The following CSMD3 variants were observed in gnomAD, a reference collection of about 807,000 sequenced individuals.
CSMD3 encodes CUB and sushi domain-containing protein 3.
Under a neutral mutation model 435.2 loss-of-function variants are expected in CSMD3, and 177 were observed. That is an observed-to-expected ratio of 0.41 (90% CI 0.36 to 0.46). The LOEUF (loss-of-function observed/expected upper bound fraction) is 0.46, where lower values mean the gene tolerates loss of function less well. CSMD3 is among the 20% of genes least tolerant of loss of function. The probability of loss-of-function intolerance (pLI) is 0.34; values close to 1 mark genes in which losing one functional copy is unlikely to be tolerated. For synonymous variants in CSMD3, 1,656 were observed against 1,520.5 expected (o/e 1.09, Z -2.07); for missense variants, 4,265 against 4,504.6 (o/e 0.95, Z 1.52).
At chr8:112,508,471 G>T (rs541765503) in intron 28 of CSMD3, among the ~76,000 whole-genome samples, 1 of 151,990 alleles carries the variant, frequency 6.6e-6, no homozygotes, top group East Asian at 1.9e-4. Flanking sequence ...CTTTGATTAC[G>T]TTTCCCTCCT....
intron 10 of CSMD3, among the ~76,000 whole-genome samples, chr8:112,915,991 CAATCCCTTATCAACTTACAAAT>C (rs757773629): frequency 8.6e-5 from 13 of 151,740 alleles, no homozygotes; most frequent in Non-Finnish European, 1.6e-4. Flanking sequence ...GGAGACCATA[CAATCCCTTATCAACTTACAAAT>C]AATCCCTCAT....
In CSMD3 at chr8:112,254,253, T is replaced by C. The variant is rs200612009; in HGVS notation, c.10110A>G (p.Gln3370=). The part of the protein sequence containing the change: ...HGSQNNTFGF[Q]VGSVVQFHCK... ...AAATGGACATAGCTAAAGTACCCAC[T>C]TGAAATCCGAATGTATTGTTCTGAG... Residue 3370 remains glutamine (Q), a splice_region_variant and synonymous_variant, in exon 63 of 71, where the codon CAA becomes CAG. Coordinates refer to ENST00000297405, the MANE Select transcript of CSMD3 (RefSeq NM_198123.2). The C allele has an allele frequency of 1.9e-6, 3 of 1,610,678 alleles. No individual in the cohort carries two copies. The African/African-American group carries it at 4.0e-5, about 22-fold the overall frequency.
chr8:113,308,922 C>A (rs116909484), intron 2 of CSMD3, among the ~76,000 whole-genome samples: 1 of 151,918 alleles, frequency 6.6e-6, no homozygotes. Context: ...AATTTCTTTA[C>A]GGCAGATGTT....
At chr8:112,805,795 A>T (rs754016755) in intron 12 of CSMD3, among the ~76,000 whole-genome samples, 16 of 152,134 alleles carry the variant, frequency 1.1e-4, no homozygotes, top group Non-Finnish European at 2.1e-4. Flanking sequence ...ATTTATGAAA[A>T]AGTATTCAAG....
intron 1 of CSMD3, among the ~76,000 whole-genome samples, chr8:113,378,614 T>A (rs1242420937): frequency 2.0e-5 from 3 of 152,174 alleles, no homozygotes; most frequent in African/African-American, 7.2e-5. Flanking sequence ...AAAAAGAGCC[T>A]TGTTTGTAGA....
At chr8:112,864,442 G>A (rs1314497030) in intron 10 of CSMD3, among the ~76,000 whole-genome samples, 1 of 151,910 alleles carries the variant, frequency 6.6e-6, no homozygotes, top group Non-Finnish European at 1.5e-5. Context: ...GTAGAGATGA[G>A]GTTTCACCAT....
At chr8:112,303,145 C>T (rs1396468333) in intron 52 of CSMD3, among the ~76,000 whole-genome samples, 2 of 152,032 alleles carry the variant, frequency 1.3e-5, no homozygotes, top group African/African-American at 2.4e-5. Flanking sequence ...TGAAATATTC[C>T]TATCCATGTG....
intron 9 of CSMD3, among the ~76,000 whole-genome samples, chr8:112,925,613 A>AGTT (rs2082886530): frequency 1.3e-5 from 2 of 152,150 alleles, no homozygotes; most frequent in African/African-American, 4.8e-5. Flanking sequence ...CCTCAGTAGA[A>AGTT]CAATTGCTAC....
At chr8:113,068,565 T>C (rs1385916469) in intron 5 of CSMD3, among the ~76,000 whole-genome samples, 1 of 152,082 alleles carries the variant, frequency 6.6e-6, no homozygotes, top group Non-Finnish European at 1.5e-5. Flanking sequence ...TTTGTGTACC[T>C]GGTTAGAAAT....
intron 15 of CSMD3, among the ~76,000 whole-genome samples, chr8:112,682,853 G>A (rs888409069): frequency 1.3e-5 from 2 of 152,040 alleles, no homozygotes; most frequent in African/African-American, 4.8e-5. Context: ...GTTTTAAAAT[G>A]TGAATTACAC....
intron 63 of CSMD3, among the ~76,000 whole-genome samples, chr8:112,250,517 T>A (rs553409276): frequency 6.6e-6 from 1 of 151,692 alleles, no homozygotes; most frequent in South Asian, 2.1e-4. Flanking sequence ...CACTTAATAG[T>A]GTATTTTAAA....
intron 13 of CSMD3, among the ~76,000 whole-genome samples, chr8:112,721,341 G>A (rs1219913649): frequency 1.3e-5 from 2 of 152,180 alleles, no homozygotes; most frequent in East Asian, 1.9e-4. Context: ...TTGGGAGGCC[G>A]AGGCAGGTGG....
At chr8:113,151,414 G>T (rs889662477) in intron 4 of CSMD3, among the ~76,000 whole-genome samples, 1 of 151,008 alleles carries the variant, frequency 6.6e-6, no homozygotes, top group Non-Finnish European at 1.5e-5. Flanking sequence ...CAAAACACCA[G>T]AAATATACAA....
intron 27 of CSMD3, among the ~76,000 whole-genome samples, chr8:112,525,393 C>T (rs1017960302): frequency 6.7e-6 from 1 of 148,436 alleles, no homozygotes; most frequent in African/African-American, 2.5e-5. Flanking sequence ...TTATTCTATC[C>T]CAGAATAAAG....
chr8:112,375,411 C>T (rs1046187078), intron 38 of CSMD3, among the ~76,000 whole-genome samples: 10 of 151,990 alleles, frequency 6.6e-5, no homozygotes, highest in East Asian at 1.9e-4. Context: ...ATGTCTTTCC[C>T]GTCAAAGATG....
At chr8:112,962,042 C>T (rs1003313767) in intron 7 of CSMD3, among the ~76,000 whole-genome samples, 5 of 151,830 alleles carry the variant, frequency 3.3e-5, no homozygotes, top group East Asian at 1.9e-4. Context: ...AAACTGTCTG[C>T]CCTTAATTTA....
intron 11 of CSMD3, among the ~76,000 whole-genome samples, chr8:112,840,590 A>C (rs970178956): frequency 4.6e-5 from 7 of 151,752 alleles, no homozygotes; most frequent in Non-Finnish European, 1.0e-4. Flanking sequence ...TGATAAATAT[A>C]ATAATTATTC....
chr8:112,919,281 C>A (rs1434173975), intron 10 of CSMD3, among the ~76,000 whole-genome samples: 1 of 151,682 alleles, frequency 6.6e-6, no homozygotes, highest in Non-Finnish European at 1.5e-5. Context: ...TCCAATCATA[C>A]ATTAATATTC....
chr8:113,005,039 A>T (rs1219123121), intron 6 of CSMD3, among the ~76,000 whole-genome samples: 1 of 151,906 alleles, frequency 6.6e-6, no homozygotes, highest in Non-Finnish European at 1.5e-5. Flanking sequence ...ATTCCAAATG[A>T]TATATATGTG....
Sources: gnomAD v4.1 joint callset for allele counts (sites outside exome capture counted in the v4.1 genomes callset) on GRCh38, gnomAD v4.1.1 for gene constraint, MANE v1.5 for transcripts, NCBI Gene and HGNC (gene_info 2026-07-23, HGNC 2026-07-21) for gene names.